FAM193A: variants seen among roughly 807,000 people sequenced by gnomAD.
FAM193A encodes protein FAM193A.
Under a neutral mutation model 126.5 loss-of-function variants are expected in FAM193A, and 22 were observed. The observed-to-expected ratio is 0.17, with a 90% CI of 0.12 to 0.25. The LOEUF is 0.25. FAM193A is among the 10% of genes least tolerant of loss of function. FAM193A has a pLI of 1.00. For synonymous variants in FAM193A, 761 were observed against 646.8 expected (o/e 1.18, Z -2.68); for missense variants, 1,675 against 1,672.8 (o/e 1.00, Z -0.02).
At chr4:2,538,485 G>T (rs894635746) in intron 1 of FAM193A, among the ~76,000 whole-genome samples, 9 of 152,102 alleles carry the variant, frequency 5.9e-5, no homozygotes, top group African/African-American at 2.2e-4. Context: ...GAGCCACCGC[G>T]CCCGGCCGTT....
At chr4:2,597,620 A>G (rs1050717583) in intron 2 of FAM193A, among the ~76,000 whole-genome samples, 1 of 152,030 alleles carries the variant, frequency 6.6e-6, no homozygotes, top group Admixed American at 6.6e-5. Context: ...CAGATGAGCC[A>G]TTCTCTCCTC....
chr4:2,585,333 T>G (rs1740173273), intron 1 of FAM193A, among the ~76,000 whole-genome samples: 1 of 152,224 alleles, frequency 6.6e-6, no homozygotes, highest in Non-Finnish European at 1.5e-5. Flanking sequence ...CTATTTTCAC[T>G]CTACCAGCAG....
rs942234420 is a variant in FAM193A, at chr4:2,647,262, C to G, written c.1311+430C>G. Among the ~76,000 whole-genome samples the G allele has an allele frequency of 2.0e-5, 3 of 152,158 alleles. No homozygotes were observed. The East Asian group carries it at 5.8e-4, about 29-fold the overall frequency. On this transcript the variant is annotated intron_variant, in intron 7 of 20. Transcript: ENST00000637812. ...CCGGGTTCAAGTGATTCTCCTGCCT[C>G]AGCCTCCCGAGTAGCTGGGATTACA...
chr4:2,560,848 A>T (rs1738567246), intron 1 of FAM193A, among the ~76,000 whole-genome samples: 3 of 152,022 alleles, frequency 2.0e-5, no homozygotes, highest in Admixed American at 2.0e-4. Flanking sequence ...GGAGCTCACC[A>T]TGTTTCTCAG....
intron 4 of FAM193A, among the ~76,000 whole-genome samples, chr4:2,627,045 G>A (rs753527561): frequency 6.6e-6 from 1 of 152,194 alleles, no homozygotes; most frequent in South Asian, 2.1e-4. Flanking sequence ...GTGCCTGGCC[G>A]TGTGGCTGTT....
intron 4 of FAM193A, among the ~76,000 whole-genome samples, chr4:2,627,237 T>C (rs1318181901): frequency 2.7e-5 from 4 of 149,206 alleles, no homozygotes; most frequent in Non-Finnish European, 5.9e-5. Flanking sequence ...CTTGGCTCAC[T>C]GCAACCCCTG....
chr4:2,559,044 T>G (rs1370602465), intron 1 of FAM193A, among the ~76,000 whole-genome samples: 1 of 152,200 alleles, frequency 6.6e-6, no homozygotes, highest in Non-Finnish European at 1.5e-5. Flanking sequence ...CGGCTATAGC[T>G]ATTGTTAATA....
intron 7 of FAM193A, among the ~76,000 whole-genome samples, chr4:2,655,425 GTGTGTGTGTGTGCGTGTGCGCC>G (rs1176179139): frequency 6.9e-6 from 1 of 144,128 alleles, no homozygotes; most frequent in African/African-American, 2.9e-5. Flanking sequence ...GATTTAGGAC[GTGTGTGTGTGTGCGTGTGCGCC>G]TGTGTGTGTG....
At chr4:2,643,662 C>T (rs1208918830) in intron 6 of FAM193A, among the ~76,000 whole-genome samples, 1 of 152,140 alleles carries the variant, frequency 6.6e-6, no homozygotes, top group African/African-American at 2.4e-5. Context: ...TAAAATGTAT[C>T]TATGAAAGAA....
In FAM193A at chr4:2,699,706, A is replaced by G. The variant is rs1717477496; in HGVS notation, c.3534A>G (p.Ala1178=). The change falls in exon 19 of 21, where the codon GCA becomes GCG. Residue 1178 remains alanine, a synonymous_variant. Coordinates refer to ENST00000637812, the MANE Select transcript of FAM193A (RefSeq NM_001366318.2). ...TGGAGGAGAAAGCTCGCCTAGAAGC[A>G]GAGGCCAGGGCCCGGGAGCACCTGC... ...RKLEEKARLE[A]EARAREHLHL... is the part of the protein sequence containing the mutation. The G allele has an allele frequency of 6.2e-7, 1 of 1,607,700 alleles. No homozygotes were observed. Among genetic ancestry groups the G allele is most frequent in the Non-Finnish European group, 8.5e-7 (1 of 1,177,884 alleles).
intron 1 of FAM193A, among the ~76,000 whole-genome samples, chr4:2,540,083 A>T (rs995814527): frequency 6.6e-6 from 1 of 150,872 alleles, no homozygotes; most frequent in East Asian, 2.0e-4. Context: ...TAACCATTGC[A>T]CTACTGCCTG....
intron 20 of FAM193A, among the ~76,000 whole-genome samples, chr4:2,719,649 G>A (rs1471119998): frequency 6.6e-6 from 1 of 151,394 alleles, no homozygotes; most frequent in African/African-American, 2.4e-5. Context: ...GGAGGCTAAG[G>A]CAGGAGAATC....
intron 20 of FAM193A, among the ~76,000 whole-genome samples, chr4:2,718,052 T>G (rs555119720): frequency 1.3e-5 from 2 of 152,292 alleles, no homozygotes; most frequent in South Asian, 4.1e-4. Flanking sequence ...TTAGAGCTGT[T>G]TATGTAAGGC....
Position 2,631,017 on chromosome 4 carries a change from C to T in FAM193A, c.886C>T (p.Leu296=). Residue 296 remains leucine (L), a synonymous_variant, in exon 5 of 21, where the codon CTG becomes TTG. Coordinates refer to ENST00000637812, the MANE Select transcript of FAM193A (RefSeq NM_001366318.2). The stretch of plus-strand genomic sequence containing the variant: ...GTATGTGCTGGAGATGAAGGTCCGC[C>T]TGCTCCGGCAGCTGTCGGCTGCGGC... ...REYVLEMKVR[L]LRQLSAAAKV... The T allele has an allele frequency of 1.2e-6, 2 of 1,613,700 alleles. No individual in the cohort carries two copies. The highest frequency in any genetic ancestry group is 1.7e-6 in the Non-Finnish European group (2 of 1,180,024).
intron 1 of FAM193A, among the ~76,000 whole-genome samples, chr4:2,548,964 A>C (rs1252465077): frequency 6.7e-6 from 1 of 148,870 alleles, no homozygotes; most frequent in African/African-American, 2.5e-5. Flanking sequence ...GGTCAGACAG[A>C]GTCTCATTCT....
intron 5 of FAM193A, among the ~76,000 whole-genome samples, chr4:2,638,449 GCT>G (rs1395128306): frequency 6.6e-6 from 1 of 152,160 alleles, no homozygotes; most frequent in Non-Finnish European, 1.5e-5. Context: ...GAGTGTGCTT[GCT>G]CTGAGATAAT....
chr4:2,722,862 C>T (rs1330231762), intron 20 of FAM193A, among the ~76,000 whole-genome samples: 1 of 152,200 alleles, frequency 6.6e-6, no homozygotes, highest in African/African-American at 2.4e-5. Context: ...AGGGTTTTGC[C>T]ACATTGCCCA....
intron 1 of FAM193A, among the ~76,000 whole-genome samples, chr4:2,567,259 G>A (rs181387815): frequency 7.3e-5 from 11 of 149,926 alleles, no homozygotes; most frequent in Admixed American, 6.6e-4. Flanking sequence ...GAGCCACCAC[G>A]CCCGGCCTGA....
intron 12 of FAM193A, among the ~76,000 whole-genome samples, chr4:2,665,595 A>G (rs1272268595): frequency 2.0e-5 from 3 of 152,086 alleles, no homozygotes; most frequent in Non-Finnish European, 2.9e-5. Context: ...TGCAGCCTCA[A>G]ACAGCTGGGC....
Sources: gnomAD v4.1 joint callset for allele counts (sites outside exome capture counted in the v4.1 genomes callset) on GRCh38, gnomAD v4.1.1 for gene constraint, MANE v1.5 for transcripts, NCBI Gene and HGNC (gene_info 2026-07-23, HGNC 2026-07-21) for gene names.